RBFOX1: variants seen among roughly 807,000 people sequenced by gnomAD.
The protein encoded by RBFOX1 is RNA binding fox-1 homolog 1.
In RBFOX1, 8 loss-of-function variants were observed where a neutral mutation model predicts 57.7. The ratio of observed to expected loss-of-function variants is 0.14; its 90% CI spans 0.08 to 0.25. The LOEUF (loss-of-function observed/expected upper bound fraction) is 0.25. Among genes scored for constraint, RBFOX1 ranks in the 10% least tolerant of loss-of-function variants. The pLI is 1.00. For missense variants in RBFOX1, 611 were observed against 548.5 expected, an observed-to-expected ratio of 1.11 and a Z score of -1.14; for synonymous variants, 326 against 222.4, an observed-to-expected ratio of 1.47 and a Z score of -4.15.
intron 1 of RBFOX1, among the ~76,000 whole-genome samples, chr16:6,039,880 C>T (rs912838132): frequency 9.2e-5 from 14 of 152,198 alleles, no homozygotes; most frequent in Non-Finnish European, 8.8e-5. Context: ...AGGATGTCTC[C>T]AGGCTCACCT....
chr16:7,116,958 G>A (rs879503338), intron 4 of RBFOX1, among the ~76,000 whole-genome samples: 1 of 152,272 alleles, frequency 6.6e-6, no homozygotes, highest in South Asian at 2.1e-4. Flanking sequence ...AGAAGAATCA[G>A]GTAGGGAAAG....
intron 3 of RBFOX1, among the ~76,000 whole-genome samples, chr16:6,976,698 C>G (rs894792982): frequency 1.4e-5 from 2 of 147,978 alleles, no homozygotes; most frequent in Non-Finnish European, 3.0e-5. Context: ...CTATAGCATA[C>G]ATATCATATA....
At chr16:6,738,330 G>A (rs73543670) in intron 3 of RBFOX1, among the ~76,000 whole-genome samples, 14,627 of 152,046 alleles carry the variant, frequency 0.096, 940 homozygotes, top group African/African-American at 0.17. Flanking sequence ...GAAGCCTGGA[G>A]TACTCCCTGT....
chr16:7,697,522 TGTATATGTATAATGCATGC>T (rs2079168321), intron 14 of RBFOX1, among the ~76,000 whole-genome samples: 2 of 152,008 alleles, frequency 1.3e-5, no homozygotes, highest in Non-Finnish European at 2.9e-5. Flanking sequence ...CATACATGCA[TGTATATGTATAATGCATGC>T]ATATGTATGA....
intron 2 of RBFOX1, among the ~76,000 whole-genome samples, chr16:6,370,581 T>A (rs187517319): frequency 3.4e-4 from 51 of 152,120 alleles, no homozygotes; most frequent in Non-Finnish European, 3.4e-4. Context: ...AAGAAACCAG[T>A]CGCAAAAGGA....
intron 2 of RBFOX1, among the ~76,000 whole-genome samples, chr16:6,627,340 G>A (rs914167881): frequency 1.3e-5 from 2 of 152,184 alleles, no homozygotes; most frequent in Non-Finnish European, 2.9e-5. Context: ...GTGAGCTTAG[G>A]ACATACGGAT....
At chr16:7,174,770 A>G (rs2081333258) in intron 4 of RBFOX1, among the ~76,000 whole-genome samples, 1 of 152,182 alleles carries the variant, frequency 6.6e-6, no homozygotes, top group Non-Finnish European at 1.5e-5. Flanking sequence ...ACAAAGCGAG[A>G]CTCAGTCTCA....
chr16:5,468,818 T>C (rs1176960756), intron 2 of RBFOX1, among the ~76,000 whole-genome samples: 1 of 152,242 alleles, frequency 6.6e-6, no homozygotes, highest in Non-Finnish European at 1.5e-5. Flanking sequence ...TTGGCTGGTT[T>C]ATCAGAAACA....
chr16:7,016,593 C>T (rs2093927141), intron 3 of RBFOX1, among the ~76,000 whole-genome samples: 1 of 152,194 alleles, frequency 6.6e-6, no homozygotes, highest in Non-Finnish European at 1.5e-5. Context: ...GCCACACTTC[C>T]ACTTGGGTAG....
chr16:7,640,763 C>T (rs1391953526), intron 11 of RBFOX1, among the ~76,000 whole-genome samples: 1 of 152,156 alleles, frequency 6.6e-6, no homozygotes, highest in Admixed American at 6.5e-5. Flanking sequence ...GCATTTAACT[C>T]CTTGACAAAA....
At chr16:5,496,462 C>G (rs886443820) in intron 2 of RBFOX1, among the ~76,000 whole-genome samples, 1 of 152,088 alleles carries the variant, frequency 6.6e-6, no homozygotes, top group Non-Finnish European at 1.5e-5. Context: ...TCAGAGAGGC[C>G]TTTTCCATCT....
intron 12 of RBFOX1, among the ~76,000 whole-genome samples, chr16:7,654,158 C>T (rs956317287): frequency 6.6e-6 from 1 of 152,188 alleles, no homozygotes; most frequent in Non-Finnish European, 1.5e-5. Context: ...TGGTTGGTGC[C>T]TTTAAGCATT....
intron 3 of RBFOX1, among the ~76,000 whole-genome samples, chr16:6,730,023 G>A (rs1196631141): frequency 6.6e-6 from 1 of 152,060 alleles, no homozygotes; most frequent in African/African-American, 2.4e-5. Flanking sequence ...GTAATTTGGA[G>A]AGCTTGGAAA....
chr16:6,853,091 A>G (rs958893201), intron 3 of RBFOX1, among the ~76,000 whole-genome samples: 2 of 152,106 alleles, frequency 1.3e-5, no homozygotes, highest in South Asian at 2.1e-4. Context: ...ACACAGTTCT[A>G]TCCCTCCCTC....
intron 2 of RBFOX1, among the ~76,000 whole-genome samples, chr16:6,551,309 G>T (rs1244515684): frequency 6.6e-6 from 1 of 152,148 alleles, no homozygotes; most frequent in Admixed American, 6.6e-5. Flanking sequence ...CTACTGGGAT[G>T]GTCTAGTCTG....
chr16:7,548,816 G>C (rs980490042), intron 5 of RBFOX1, among the ~76,000 whole-genome samples: 2 of 152,206 alleles, frequency 1.3e-5, no homozygotes, highest in African/African-American at 2.4e-5. Context: ...GTAGAAATCA[G>C]AGAGGAAATT....
At position 7,593,301 on chromosome 16, in the gene RBFOX1, C is replaced by T. The variant is rs891295928; in HGVS notation, c.469-2248C>T. On this transcript the variant is annotated intron_variant, in intron 7 of 15. Transcript: ENST00000550418. ...GTCCTCCCAAGTTCCTTCTGATATG[C>T]GGCTAAGTTTGAGATATACTGGCCA... 5.3e-5 allele frequency among the ~76,000 whole-genome samples: 8 copies of T among 152,240 alleles called. 1 individual carries two copies. Among genetic ancestry groups the T allele is most frequent in the East Asian group, 1.9e-4 (1 of 5,170 alleles).
chr16:7,003,986 G>A lies in RBFOX1; in HGVS notation c.-15-48071G>A, dbSNP rs551216851. ...CCCATTTTCCCAGGGTAGAAATGAG[G>A]GGTTTTTTTTTTTTTTTTTATAAAA... is the stretch of plus-strand genomic sequence containing the variant. On this transcript the variant is annotated intron_variant, in intron 3 of 15. Coordinates refer to ENST00000550418, the MANE Select transcript of RBFOX1 (RefSeq NM_018723.4). 111 of 134,976 alleles carry A rather than the reference G, an allele frequency of 8.2e-4. 1 individual carries two copies. Among genetic ancestry groups the A allele is most frequent in the African/African-American group, 3.8e-3 (104 of 27,428 alleles). The allele number at this position is 134,976 out of a possible 1,614,324, so 8.4% of individuals were successfully genotyped here.
At chr16:6,402,181 T>C (rs1425072630) in intron 2 of RBFOX1, among the ~76,000 whole-genome samples, 1 of 152,100 alleles carries the variant, frequency 6.6e-6, no homozygotes, top group Non-Finnish European at 1.5e-5. Context: ...TTATACATTT[T>C]GCTTGAGTCC....
Sources: allele counts gnomAD v4.1 joint callset (sites outside exome capture counted in the v4.1 genomes callset), GRCh38; gene constraint gnomAD v4.1.1; transcripts MANE v1.5; gene names NCBI Gene and HGNC (gene_info 2026-07-23, HGNC 2026-07-21).